Variants in PDZD2 observed in about 807,000 individuals in gnomAD.
PDZD2 encodes PDZ domain-containing protein 2.
Under a neutral mutation model 220.7 loss-of-function variants are expected in PDZD2, and 90 were observed. That is an observed-to-expected ratio of 0.41 (90% CI 0.34 to 0.49). The LOEUF is 0.49. Ranked by LOEUF, PDZD2 falls within the 20% of genes least tolerant of loss-of-function variation. The pLI, the probability that PDZD2 is intolerant of heterozygous loss-of-function variation, is 0.28. For synonymous variants in PDZD2, 1,375 were observed against 1,450.5 expected, an observed-to-expected ratio of 0.95 and a Z score of 1.18; for missense variants, 3,174 against 3,608.5, an observed-to-expected ratio of 0.88 and a Z score of 3.08.
At chr5:32,017,439 CAAAAAAA>C (rs11289719) in intron 6 of PDZD2, among the ~76,000 whole-genome samples, 1 of 126,948 alleles carries the variant, frequency 7.9e-6, no homozygotes, top group Non-Finnish European at 1.7e-5. Context: ...GACCCTGTCT[CAAAAAAA>C]AAAAAAAAAT....
chr5:31,969,928 C>T (rs899982953), intron 2 of PDZD2, among the ~76,000 whole-genome samples: 3 of 151,808 alleles, frequency 2.0e-5, no homozygotes, highest in Admixed American at 6.6e-5. Context: ...GACGGAGTTT[C>T]GCTCTTGTTG....
At chr5:31,791,361 C>T (rs1018271702) in intron 1 of PDZD2, among the ~76,000 whole-genome samples, 15 of 151,900 alleles carry the variant, frequency 9.9e-5, no homozygotes, top group African/African-American at 2.2e-4. Context: ...GAGGCCGACG[C>T]GGGCAGATCA....
intron 1 of PDZD2, among the ~76,000 whole-genome samples, chr5:31,755,459 C>T (rs955707490): frequency 7.2e-5 from 11 of 152,156 alleles, no homozygotes; most frequent in Admixed American, 3.9e-4. Context: ...CCATTTTGTA[C>T]AAATGTCACC....
At position 31,679,044 on chromosome 5, in the gene PDZD2, C is replaced by A. The variant is rs1238353518; in HGVS notation, c.-361+39607C>A. ...CGTGATGTCAAAAAAATTTTCCCTG[C>A]CGGACTATTTGGGGAAGGGCGGTAT... On this transcript the variant is annotated intron_variant, in intron 1 of 24. Transcript: ENST00000438447. Among the ~76,000 whole-genome samples the A allele has an allele frequency of 2.0e-5, 3 of 152,284 alleles. No homozygotes were observed. The East Asian group carries it at 5.8e-4, about 29-fold the overall frequency.
At chr5:31,645,812 G>A (rs554635457) in intron 1 of PDZD2, among the ~76,000 whole-genome samples, 1 of 152,234 alleles carries the variant, frequency 6.6e-6, no homozygotes, top group South Asian at 2.1e-4. Flanking sequence ...CCTACCGTGA[G>A]CAGGGGCACG....
At chr5:31,979,886 T>A (rs1477441392) in intron 2 of PDZD2, among the ~76,000 whole-genome samples, 2 of 152,198 alleles carry the variant, frequency 1.3e-5, no homozygotes, top group South Asian at 4.1e-4. Context: ...GGCAAGCTGA[T>A]TGATATTTCC....
rs1171545459 is a variant in PDZD2 at position 32,083,014 on chromosome 5, A to G, written c.3683-4117A>G. 6.6e-6 allele frequency among the ~76,000 whole-genome samples: 1 copy of G among 152,176 alleles called. No homozygotes were observed. The highest frequency in any genetic ancestry group is 1.5e-5 in the Non-Finnish European group (1 of 68,038). Reference sequence around the variant, plus strand: ...AATGTTTAACTCTGTTATGAACGGGATACATGTTTATTCTAGAAACTTAAG... The same window carrying G: ...AATGTTTAACTCTGTTATGAACGGGGTACATGTTTATTCTAGAAACTTAAG... On this transcript the variant is annotated intron_variant, in intron 19 of 24. Coordinates refer to ENST00000438447, the MANE Select transcript of PDZD2 (RefSeq NM_178140.4). The surrounding 1 kb of genome is among the most constrained non-coding windows in gnomAD (Gnocchi z 4.1).
chr5:31,678,619 A>T (rs545273842), intron 1 of PDZD2, among the ~76,000 whole-genome samples: 4 of 152,144 alleles, frequency 2.6e-5, no homozygotes, highest in Admixed American at 6.5e-5. Flanking sequence ...TTTCTTAATT[A>T]ATTTATTTAT....
At chr5:31,759,540 ATTT>A (rs71614266) in intron 1 of PDZD2, among the ~76,000 whole-genome samples, 5,682 of 131,108 alleles carry the variant, frequency 0.043, 117 homozygotes, top group Middle Eastern at 0.079. Flanking sequence ...TCTCAGAACT[ATTT>A]TTTTTTTTTT....
intron 2 of PDZD2, among the ~76,000 whole-genome samples, chr5:31,882,902 T>A (rs1269425486): frequency 2.6e-5 from 4 of 151,342 alleles, no homozygotes; most frequent in African/African-American, 9.7e-5. Context: ...TGATTGTGAG[T>A]GTCTGTAATC....
intron 2 of PDZD2, among the ~76,000 whole-genome samples, chr5:31,888,750 C>T (rs1228824712): frequency 2.6e-5 from 4 of 152,100 alleles, no homozygotes; most frequent in East Asian, 1.9e-4. Context: ...GAGAGAAGTC[C>T]GTAAGCTTGA....
intron 2 of PDZD2, among the ~76,000 whole-genome samples, chr5:31,961,355 A>G (rs1482227155): frequency 7.7e-6 from 1 of 130,700 alleles, no homozygotes; most frequent in East Asian, 2.4e-4. Flanking sequence ...AACATGGCGA[A>G]ACTCCGTCTC....
rs1409683684 is a variant in PDZD2, at chr5:32,052,632, T to G, written c.1687T>G (p.Ser563Ala). ...ASQEYHIVKK[S>A]TRSLSTTQVE... ...TTAGGAATACCACATTGTGAAGAAG[T>G]CTACCCGCTCCTTAAGCACGACTCA... is the stretch of plus-strand genomic sequence containing the variant. The change falls in exon 9 of 25, where the codon TCT becomes GCT. Residue 563 changes from serine to alanine, a missense_variant. Physicochemically the swap from Ser to Ala is moderately conservative, Grantham distance 99 (BLOSUM62 1). Transcript: ENST00000438447. 1.5e-5 allele frequency: 25 copies of G among 1,613,662 alleles called. No individual in the cohort carries two copies. The highest frequency in any genetic ancestry group is 1.8e-5 in the Non-Finnish European group (21 of 1,179,572).
At chr5:31,952,479 T>A (rs1369206524) in intron 2 of PDZD2, among the ~76,000 whole-genome samples, 1 of 152,214 alleles carries the variant, frequency 6.6e-6, no homozygotes, top group East Asian at 1.9e-4. Flanking sequence ...TGGGGCTGGC[T>A]AAGTGAATTA....
chr5:31,640,815 T>G (rs253906), intron 1 of PDZD2, among the ~76,000 whole-genome samples: 148,766 of 151,436 alleles, frequency 0.98, 73,148 homozygotes, highest in Middle Eastern at 1. Context: ...GCCCAGAGCT[T>G]CTGCTCCTAT....
rs186884888 is a variant in PDZD2 at position 31,699,380 on chromosome 5, T to G, written c.-361+59943T>G. Among the ~76,000 whole-genome samples, 251 of 152,170 alleles carry G rather than the reference T, an allele frequency of 1.6e-3. 2 individuals are homozygous for G. The highest frequency in any genetic ancestry group is 5.6e-3 in the African/African-American group (234 of 41,524). On this transcript the variant is annotated intron_variant, in intron 1 of 24. Coordinates refer to ENST00000438447, the MANE Select transcript of PDZD2 (RefSeq NM_178140.4). Reference sequence around the variant, plus strand: ...AGACTGTTCAGGAAAGTACCTGTGGTTCATTATGGCTAAAATTGAGGCTAG... The same window carrying G: ...AGACTGTTCAGGAAAGTACCTGTGGGTCATTATGGCTAAAATTGAGGCTAG...
chr5:31,965,063 G>A (rs1748605904), intron 2 of PDZD2, among the ~76,000 whole-genome samples: 1 of 152,180 alleles, frequency 6.6e-6, no homozygotes, highest in Non-Finnish European at 1.5e-5. Context: ...AATACTGATA[G>A]GGCTCCGATG....
At chr5:31,691,951 C>T (rs1276549025) in intron 1 of PDZD2, among the ~76,000 whole-genome samples, 1 of 152,252 alleles carries the variant, frequency 6.6e-6, no homozygotes, top group Non-Finnish European at 1.5e-5. Flanking sequence ...CTGGCTTCAC[C>T]CAGTGGATCC....
chr5:32,031,489 T>C (rs190744214), intron 6 of PDZD2, among the ~76,000 whole-genome samples: 33 of 152,352 alleles, frequency 2.2e-4, no homozygotes, highest in African/African-American at 7.7e-4. Flanking sequence ...GCTTCTTAGC[T>C]GTGAGTTTTG....
Sources: allele counts gnomAD v4.1 joint callset (sites outside exome capture counted in the v4.1 genomes callset), GRCh38; gene constraint gnomAD v4.1.1; non-coding constraint Gnocchi (gnomAD v3.1); transcripts MANE v1.5; gene names NCBI Gene and HGNC (gene_info 2026-07-23, HGNC 2026-07-21).